The following ACAD10 variants were observed in gnomAD, a reference collection of about 807,000 sequenced individuals.
ACAD10 encodes acyl-CoA dehydrogenase family member 10.
A neutral mutation model predicts 116.8 loss-of-function variants in ACAD10; 112 were observed. That is an observed-to-expected ratio of 0.96 (90% CI 0.82 to 1.12). The LOEUF (loss-of-function observed/expected upper bound fraction) is 1.12, where lower values mean the gene tolerates loss of function less well. Ranked by LOEUF, ACAD10 falls within the 50% of genes most tolerant of loss-of-function variation. ACAD10 has a pLI of 0.00. For synonymous variants in ACAD10, 486 were observed against 510.6 expected (o/e 0.95, Z 0.65); for missense variants, 1,259 against 1,350.2 (o/e 0.93, Z 1.06).
intron 3 of ACAD10, among the ~76,000 whole-genome samples, chr12:111,702,693 T>C (rs1243789395): frequency 6.6e-6 from 1 of 152,110 alleles, no homozygotes; most frequent in African/African-American, 2.4e-5. Context: ...ATCATGCCAT[T>C]GCACTCCAAC....
chr12:111,692,300 G>T (rs1441001982), intron 1 of ACAD10, among the ~76,000 whole-genome samples: 1 of 152,170 alleles, frequency 6.6e-6, no homozygotes, highest in Non-Finnish European at 1.5e-5. Flanking sequence ...TACTCTGACT[G>T]GAGGGTGAAG....
intron 10 of ACAD10, among the ~76,000 whole-genome samples, chr12:111,731,313 C>G (rs1566159561): frequency 6.6e-6 from 1 of 152,244 alleles, no homozygotes; most frequent in Non-Finnish European, 1.5e-5. Context: ...CCCACACTGC[C>G]TTGAACGTGG....
At chr12:111,737,042 G>T in intron 12 of ACAD10, 38 bp downstream of exon 12, 1 of 1,603,078 alleles carries the variant, frequency 6.2e-7, no homozygotes, top group East Asian at 2.2e-5. Flanking sequence ...ACTGCGGGGT[G>T]AGTCACAGCA....
intron 10 of ACAD10, among the ~76,000 whole-genome samples, chr12:111,731,663 G>A (rs966582316): frequency 2.0e-5 from 3 of 152,198 alleles, no homozygotes; most frequent in South Asian, 2.1e-4. Flanking sequence ...TTTAGAGAGC[G>A]TGCTGCTGCT....
At chr12:111,700,971 C>T (rs940932468) in intron 2 of ACAD10, among the ~76,000 whole-genome samples, 5 of 151,932 alleles carry the variant, frequency 3.3e-5, no homozygotes, top group African/African-American at 1.2e-4. Flanking sequence ...GTGGCCCAGG[C>T]TGGTATCAGA....
rs1888095828 is a variant in ACAD10, at chr12:111,692,901, G to C, written c.187+5G>C. The C allele has an allele frequency of 6.2e-7, 1 of 1,613,492 alleles. No homozygotes were observed. The highest frequency in any genetic ancestry group is 8.5e-7 in the Non-Finnish European group (1 of 1,179,680). On this transcript the variant is annotated splice_donor_5th_base_variant and intron_variant, in intron 2 of 20. Coordinates refer to ENST00000313698, the MANE Select transcript of ACAD10 (RefSeq NM_025247.6). ...CTCCAGGGAGAGTCGCTGCAGGTGA[G>C]CTATTGATTCTGTTTCACTTTGTGG...
Position 111,745,308 on chromosome 12 carries a change from C to A in ACAD10, c.2115+265C>A, listed in dbSNP as rs775093908. The A allele has an allele frequency of 4.0e-4, 204 of 505,888 alleles. 1 individual carries two copies. The highest frequency in any genetic ancestry group is 5.2e-4 in the Non-Finnish European group (149 of 288,128). 31.3% of individuals were successfully genotyped at this position (505,888 alleles called of 1,614,324 possible). A position where few individuals can be genotyped will look rare whatever the true frequency, so the allele number is the denominator to read the frequency against. ...AATGCTTGGCCTTAGAAAGCCAGGG[C>A]AGGTTAGGCCTATCTGATGGGTATT... On this transcript the variant is annotated intron_variant, in intron 13 of 20. Transcript: ENST00000313698.
rs1890004669 is a variant in ACAD10, at chr12:111,749,293, G to A, written c.2765G>A (p.Cys922Tyr). 5 of 1,614,056 alleles carry A rather than the reference G, an allele frequency of 3.1e-6. No homozygotes were observed. The highest frequency in any genetic ancestry group is 4.2e-6 in the Non-Finnish European group (5 of 1,180,024). ...GRLGPGRIHH[C>Y]MRLIGFSERA... ...CTGGGCCCCGGCAGGATCCATCACT[G>A]CATGAGGCTGATCGGGTTCTCAGAG... The change falls in exon 18 of 21, where the codon TGC becomes TAC. Residue 922 changes from cysteine to tyrosine, a missense_variant. Coordinates refer to ENST00000313698, the MANE Select transcript of ACAD10 (RefSeq NM_025247.6).
At chr12:111,740,574 A>G (rs1157388959) in intron 12 of ACAD10, among the ~76,000 whole-genome samples, 1 of 151,688 alleles carries the variant, frequency 6.6e-6, no homozygotes. Flanking sequence ...CCTGGCCAAC[A>G]TGATGAAACC....
In ACAD10 at chr12:111,749,231, G is replaced by A. The variant is rs377176289; in HGVS notation, c.2703G>A (p.Leu901=). Residue 901 remains leucine, a synonymous_variant, in exon 18 of 21, where the codon CTG becomes CTA. Transcript: ENST00000313698. ...GTGTGCCCAAAGAGAACATGGTCCTGGGCCCTGGCCGAGGCTTTGAGATCG... is the reference window on the plus strand; with the variant it reads ...GTGTGCCCAAAGAGAACATGGTCCTAGGCCCTGGCCGAGGCTTTGAGATCG... The part of the protein sequence containing the change: ...HVRVPKENMV[L]GPGRGFEIAQ... 1 of 1,614,134 alleles carries A rather than the reference G, an allele frequency of 6.2e-7. No homozygotes were observed. The highest frequency in any genetic ancestry group is 1.3e-5 in the African/African-American group (1 of 75,064).
At chr12:111,713,645 A>G (rs1218286704) in intron 6 of ACAD10, among the ~76,000 whole-genome samples, 1 of 151,508 alleles carries the variant, frequency 6.6e-6, no homozygotes, top group South Asian at 2.1e-4. Flanking sequence ...AGGAAAAGAA[A>G]AAAAAAAAGG....
chr12:111,688,497 C>A (rs983284957), intron 1 of ACAD10, among the ~76,000 whole-genome samples: 1 of 151,972 alleles, frequency 6.6e-6, no homozygotes, highest in Non-Finnish European at 1.5e-5. Flanking sequence ...AACCCATTTC[C>A]CATTTAGAAA....
Position 111,728,157 on chromosome 12 carries a change from C to A in ACAD10, c.1243+14C>A. ...ATGGGAAGCAAGGTGAGCAGGAGGC[C>A]ACGTCTCCCATGCTGGTTGTTTCAT... is the stretch of plus-strand genomic sequence containing the variant. On this transcript the variant is annotated intron_variant, in intron 9 of 20. Coordinates refer to ENST00000313698, the MANE Select transcript of ACAD10 (RefSeq NM_025247.6). The A allele has an allele frequency of 6.3e-7, 1 of 1,582,914 alleles. No homozygotes were observed. The highest frequency in any genetic ancestry group is 1.2e-5 in the South Asian group (1 of 86,150).
chr12:111,736,456 G>A (rs1889567629), intron 11 of ACAD10, among the ~76,000 whole-genome samples: 2 of 152,192 alleles, frequency 1.3e-5, no homozygotes, highest in Admixed American at 6.5e-5. Context: ...CTCCCAAAGT[G>A]CTGGGATTAC....
intron 12 of ACAD10, among the ~76,000 whole-genome samples, chr12:111,737,556 A>G (rs1003172470): frequency 1.3e-5 from 2 of 152,168 alleles, no homozygotes; most frequent in Non-Finnish European, 2.9e-5. Context: ...CAGTTAAAGC[A>G]TTCATGCACA....
chr12:111,706,782 AT>A (rs36125603), intron 4 of ACAD10, among the ~76,000 whole-genome samples: 30 of 126,504 alleles, frequency 2.4e-4, no homozygotes, highest in Middle Eastern at 4.0e-3. Flanking sequence ...ATATATATAT[AT>A]TTTTTTTTTT....
chr12:111,711,711 A>G lies in ACAD10; in HGVS notation c.691-787A>G, dbSNP rs1217771827. ...GTATTTTTAGTAGAGACGGGGTTTC[A>G]CTGTGTTAGCCAGGATGATCTCGAT... On this transcript the variant is annotated intron_variant, in intron 5 of 20. Coordinates refer to ENST00000313698, the MANE Select transcript of ACAD10 (RefSeq NM_025247.6). Among the ~76,000 whole-genome samples the G allele has an allele frequency of 3.3e-5, 5 of 150,970 alleles. No homozygotes were observed. In the East Asian group the frequency reaches 7.8e-4, roughly 24 times the overall value.
intron 12 of ACAD10, among the ~76,000 whole-genome samples, chr12:111,744,047 C>T (rs1889821206): frequency 6.6e-6 from 1 of 152,092 alleles, no homozygotes; most frequent in Admixed American, 6.6e-5. Context: ...CGCACCTGGC[C>T]ACCTTAATTT....
rs769106373 is a variant in ACAD10, at chr12:111,747,065, CG to C, written c.2274del (p.Pro759LeufsTer10). 6.2e-7 allele frequency: 1 copy of C among 1,606,874 alleles called. No individual in the cohort carries two copies. Among genetic ancestry groups the C allele is most frequent in the South Asian group, 1.1e-5 (1 of 90,222 alleles). On this transcript the variant is annotated frameshift_variant, in exon 15 of 21. Transcript: ENST00000313698. LOFTEE classifies it high-confidence loss of function. ...LYAPEVCNCS[A>X]PDTGNMELLV... is the part of the protein sequence containing the mutation. ...CCTTCTCAGGTATGTAACTGCTCTGCGCCTGACACGGGCAACATGGAGCTGC... is the reference window on the plus strand; with the variant it reads ...CCTTCTCAGGTATGTAACTGCTCTGCCCTGACACGGGCAACATGGAGCTGC...
Sources: allele counts gnomAD v4.1 joint callset (sites outside exome capture counted in the v4.1 genomes callset), GRCh38; gene constraint gnomAD v4.1.1; transcripts MANE v1.5; gene names NCBI Gene and HGNC (gene_info 2026-07-23, HGNC 2026-07-21).